The following ADAMTS12 variants were observed in gnomAD, a reference collection of about 807,000 sequenced individuals.
The protein encoded by ADAMTS12 is A disintegrin and metalloproteinase with thrombospondin motifs 12.
ADAMTS12 carries 118 observed loss-of-function variants against 167.8 expected under a neutral mutation model. That is an observed-to-expected ratio of 0.70 (90% CI 0.61 to 0.82). ADAMTS12 has a LOEUF of 0.82. Ranked by LOEUF, ADAMTS12 falls within the 40% of genes least tolerant of loss-of-function variation. The pLI, the probability that ADAMTS12 is intolerant of heterozygous loss-of-function variation, is 0.00. For missense variants in ADAMTS12, 1,916 were observed against 1,998.8 expected, an observed-to-expected ratio of 0.96 and a Z score of 0.79; for synonymous variants, 704 against 716.9, an observed-to-expected ratio of 0.98 and a Z score of 0.29.
At chr5:33,719,617 T>G (rs528088813) in intron 3 of ADAMTS12, among the ~76,000 whole-genome samples, 1 of 152,198 alleles carries the variant, frequency 6.6e-6, no homozygotes, top group Non-Finnish European at 1.5e-5. Context: ...CACCTAAGAA[T>G]CTTAAGGGGG....
intron 2 of ADAMTS12, among the ~76,000 whole-genome samples, chr5:33,825,939 G>A (rs1748048871): frequency 6.6e-6 from 1 of 152,104 alleles, no homozygotes; most frequent in Admixed American, 6.6e-5. Context: ...TGCTGTGGCT[G>A]CACCAGCTCA....
intron 2 of ADAMTS12, among the ~76,000 whole-genome samples, chr5:33,812,451 A>C (rs1205994849): frequency 6.6e-6 from 1 of 152,232 alleles, no homozygotes; most frequent in African/African-American, 2.4e-5. Flanking sequence ...CAGAGAACAT[A>C]CCAAGTTACT....
intron 2 of ADAMTS12, among the ~76,000 whole-genome samples, chr5:33,844,515 G>A (rs1025984776): frequency 3.6e-4 from 55 of 152,212 alleles, no homozygotes; most frequent in African/African-American, 1.3e-3. Context: ...GTGCTCCCAG[G>A]CTTATTAGGA....
chr5:33,550,412 T>G (rs1275421547), intron 20 of ADAMTS12, among the ~76,000 whole-genome samples: 1 of 152,236 alleles, frequency 6.6e-6, no homozygotes, highest in African/African-American at 2.4e-5. Flanking sequence ...TGGCCAGACC[T>G]GGCCTGACCA....
In ADAMTS12 at chr5:33,569,944, A is replaced by G. The variant is rs1005288901; in HGVS notation, c.3972+6110T>C. 7.2e-5 allele frequency among the ~76,000 whole-genome samples: 11 copies of G among 152,378 alleles called. No homozygotes were observed. The South Asian group carries it at 2.1e-3, about 29-fold the overall frequency. On this transcript the variant is annotated intron_variant, in intron 19 of 23. Coordinates refer to ENST00000504830, the MANE Select transcript of ADAMTS12 (RefSeq NM_030955.4). ...AAGCCAAGGCTCAAGAACTACGTGAAGAATGCAGAAGCCTCAGGAGCTGAT... is the reference window on the plus strand; with the variant it reads ...AAGCCAAGGCTCAAGAACTACGTGAGGAATGCAGAAGCCTCAGGAGCTGAT...
chr5:33,572,960 C>A (rs1023719830), intron 19 of ADAMTS12, among the ~76,000 whole-genome samples: 89 of 148,322 alleles, frequency 6.0e-4, no homozygotes, highest in African/African-American at 2.0e-3. Context: ...CAATAACAGA[C>A]AAACAGAGAG....
chr5:33,816,557 C>A (rs1357480588), intron 2 of ADAMTS12, among the ~76,000 whole-genome samples: 1 of 152,148 alleles, frequency 6.6e-6, no homozygotes, highest in African/African-American at 2.4e-5. Context: ...AGGATTATAA[C>A]CTCTATTGAT....
chr5:33,849,514 T>C (rs569034244), intron 2 of ADAMTS12, among the ~76,000 whole-genome samples: 1 of 146,436 alleles, frequency 6.8e-6, no homozygotes, highest in Non-Finnish European at 1.5e-5. Flanking sequence ...CATAGCAATA[T>C]ATATATATGT....
intron 11 of ADAMTS12, 54 bp downstream of exon 11, chr5:33,641,756 C>A (rs565287876): frequency 1.4e-6 from 2 of 1,475,322 alleles, no homozygotes; most frequent in South Asian, 3.0e-5. Flanking sequence ...GACTGCCCCC[C>A]ATCCCGCCCC....
intron 5 of ADAMTS12, among the ~76,000 whole-genome samples, chr5:33,681,638 A>T (rs1394257724): frequency 1.3e-5 from 2 of 152,228 alleles, no homozygotes; most frequent in Non-Finnish European, 2.9e-5. Flanking sequence ...GACTGCCATC[A>T]TTCTGTGATG....
Position 33,573,423 on chromosome 5 carries a change from C to A in ADAMTS12, c.3972+2631G>T, listed in dbSNP as rs547473247. ...AGAGACATAGATCAATGGAACAGAA[C>A]AGAGCCCTCAGAAATAATGCCACGT... is the stretch of plus-strand genomic sequence containing the variant. On this transcript the variant is annotated intron_variant, in intron 19 of 23. Coordinates refer to ENST00000504830, the MANE Select transcript of ADAMTS12 (RefSeq NM_030955.4). Among the ~76,000 whole-genome samples the A allele has an allele frequency of 2.6e-5, 4 of 151,420 alleles. No homozygotes were observed. The East Asian group carries it at 7.7e-4, about 29-fold the overall frequency.
chr5:33,536,227 C>T (rs1359846501), intron 22 of ADAMTS12, among the ~76,000 whole-genome samples: 2 of 152,194 alleles, frequency 1.3e-5, no homozygotes, highest in African/African-American at 4.8e-5. Context: ...ACCTCCCTCC[C>T]TGGGTTCAAG....
chr5:33,558,285 C>A (rs1247501389), intron 20 of ADAMTS12, among the ~76,000 whole-genome samples: 6 of 151,966 alleles, frequency 3.9e-5, no homozygotes, highest in Non-Finnish European at 8.8e-5. Flanking sequence ...GGCAACTGAC[C>A]ATCAGTAGTT....
chr5:33,733,256 T>G (rs1056445745), intron 3 of ADAMTS12, among the ~76,000 whole-genome samples: 1 of 152,158 alleles, frequency 6.6e-6, no homozygotes, highest in Non-Finnish European at 1.5e-5. Context: ...TTTAAAGAAA[T>G]TTAAATCCAG....
At chr5:33,781,033 A>G (rs923821313) in intron 2 of ADAMTS12, among the ~76,000 whole-genome samples, 1 of 152,210 alleles carries the variant, frequency 6.6e-6, no homozygotes, top group African/African-American at 2.4e-5. Context: ...TGGTTGAAAC[A>G]ACGCATTAGG....
chr5:33,668,994 G>A (rs949077289), intron 5 of ADAMTS12, among the ~76,000 whole-genome samples: 1 of 152,178 alleles, frequency 6.6e-6, no homozygotes, highest in Non-Finnish European at 1.5e-5. Context: ...AAAATAAAAG[G>A]TGTTCAGACT....
chr5:33,820,621 A>G (rs1747834608), intron 2 of ADAMTS12, among the ~76,000 whole-genome samples: 1 of 139,588 alleles, frequency 7.2e-6, no homozygotes, highest in Non-Finnish European at 1.5e-5. Flanking sequence ...TTACTAAACT[A>G]TATATTGCTA....
At chr5:33,821,054 T>A (rs976340212) in intron 2 of ADAMTS12, among the ~76,000 whole-genome samples, 2 of 152,156 alleles carry the variant, frequency 1.3e-5, no homozygotes, top group Non-Finnish European at 2.9e-5. Flanking sequence ...TGAAATAATT[T>A]GTACAACAAA....
rs902948372 is a variant in ADAMTS12 at position 33,624,293 on chromosome 5, C to A, written c.2081G>T (p.Cys694Phe). The A allele has an allele frequency of 6.2e-7, 1 of 1,614,114 alleles. No individual in the cohort carries two copies. The highest frequency in any genetic ancestry group is 8.5e-7 in the Non-Finnish European group (1 of 1,179,968). Reference sequence around the variant, plus strand: ...CTGGCAGGAAGAGCCATCTCCCAGGCACACACCGCAGCGATCCTCGGTGGC... The same window carrying A: ...CTGGCAGGAAGAGCCATCTCCCAGGAACACACCGCAGCGATCCTCGGTGGC... ...SNATEDRCGV[C>F]LGDGSSCQTV... The change falls in exon 14 of 24, where the codon TGC (cysteine) becomes TTC (phenylalanine). Residue 694 changes from cysteine to phenylalanine, a missense_variant. By Grantham distance (205) the Cys-to-Phe change is radical (BLOSUM62 -2). Coordinates refer to ENST00000504830, the MANE Select transcript of ADAMTS12 (RefSeq NM_030955.4).
Sources: gnomAD v4.1 joint callset for allele counts (sites outside exome capture counted in the v4.1 genomes callset) on GRCh38, gnomAD v4.1.1 for gene constraint, MANE v1.5 for transcripts, NCBI Gene and HGNC (gene_info 2026-07-23, HGNC 2026-07-21) for gene names.